GLTPD2: variants seen among roughly 807,000 people sequenced by gnomAD.
GLTPD2 encodes glycolipid transfer protein domain-containing protein 2.
Under a neutral mutation model 12.9 loss-of-function variants are expected in GLTPD2, and 12 were observed. The ratio of observed to expected loss-of-function variants is 0.93; its 90% confidence interval spans 0.59 to 1.50. GLTPD2 has a LOEUF of 1.50. Ranked by LOEUF, GLTPD2 falls within the 40% of genes most tolerant of loss-of-function variation. GLTPD2 has a pLI of 0.00. For synonymous variants in GLTPD2, 199 were observed against 205.6 expected (o/e 0.97, Z 0.27); for missense variants, 450 against 426.2 (o/e 1.06, Z -0.49).
In GLTPD2 at chr17:4,789,769, C is replaced by T; in HGVS notation, c.349C>T (p.Pro117Ser). The change falls in exon 4 of 4, where the codon CCC becomes TCC. Residue 117 changes from proline (P) to serine (S), a missense_variant. Coordinates refer to ENST00000331264, the MANE Select transcript of GLTPD2 (RefSeq NM_001014985.3). ...GWRALVEFLT[P>S]LGSVFAFATR... ...TCGTCTCGCCCGCAGGTTCCTGACT[C>T]CCCTCGGCTCCGTCTTCGCCTTCGC... 6.2e-7 allele frequency: 1 copy of T among 1,613,390 alleles called. No homozygotes were observed. Among genetic ancestry groups the T allele is most frequent in the Non-Finnish European group, 8.5e-7 (1 of 1,179,704 alleles).
chr17:4,790,464 T>C lies in GLTPD2; in HGVS notation c.*168T>C. 2.1e-6 allele frequency: 1 copy of C among 472,790 alleles called. No individual in the cohort carries two copies. The highest frequency in any genetic ancestry group is 3.5e-6 in the Non-Finnish European group (1 of 284,424). 29.3% of individuals were successfully genotyped at this position (472,790 alleles called of 1,614,324 possible). A position where few individuals can be genotyped will look rare whatever the true frequency, so the allele number is the denominator to read the frequency against. ...CGGCAGGGAATGGCGTTGAGCTCCC[T>C]CTGTCCGCAGTCTCGGAAAGACGGG... On this transcript the variant is annotated 3_prime_UTR_variant, in exon 4 of 4. Coordinates refer to ENST00000331264, the MANE Select transcript of GLTPD2 (RefSeq NM_001014985.3).
rs747867281 is a variant in GLTPD2 at position 4,789,290 on chromosome 17, G to A, written c.171G>A (p.Gln57=). The A allele has an allele frequency of 3.2e-5, 50 of 1,585,246 alleles. No individual in the cohort carries two copies. The highest frequency in any genetic ancestry group is 4.1e-5 in the Non-Finnish European group (48 of 1,165,744). Residue 57 remains glutamine (Q), a splice_region_variant and synonymous_variant, in exon 2 of 4, where the codon CAG becomes CAA. Transcript: ENST00000331264. ...TTCCAGGGGAAACGGCGCCCTTCCA[G>A]GTACGCTAGGCGCAGGATTGGGCGC... ...PCVPGETAPF[Q]VRQESGTLEA... is the part of the protein sequence containing the mutation.
At position 4,789,038 on chromosome 17, in the gene GLTPD2, CCT is replaced by C. The variant is rs761179740; in HGVS notation, c.28_29del (p.Leu10AlafsTer117). The C allele has an allele frequency of 6.2e-7, 1 of 1,613,386 alleles. No individual in the cohort carries two copies. Among genetic ancestry groups the C allele is most frequent in the Non-Finnish European group, 8.5e-7 (1 of 1,179,822 alleles). MGVAARPPA[L>X]RHWFSHSIPL... Reference sequence around the variant, plus strand: ...TGGGAGTGGCGGCGCGGCCCCCAGCCCTGCGGCACTGGTTCAGCCACTCAATT... The same window carrying C: ...TGGGAGTGGCGGCGCGGCCCCCAGCCGCGGCACTGGTTCAGCCACTCAATT... On this transcript the variant is annotated frameshift_variant, in exon 1 of 4. Coordinates refer to ENST00000331264, the MANE Select transcript of GLTPD2 (RefSeq NM_001014985.3). LOFTEE classifies it high-confidence loss of function.
Position 4,789,563 on chromosome 17 carries a change from G to A in GLTPD2, c.224G>A (p.Cys75Tyr). 1 of 1,614,116 alleles carries A rather than the reference G, an allele frequency of 6.2e-7. No homozygotes were observed. Among genetic ancestry groups the A allele is most frequent in the Non-Finnish European group, 8.5e-7 (1 of 1,179,974 alleles). The change falls in exon 3 of 4, where the codon TGT (cysteine) becomes TAT (tyrosine). Residue 75 changes from cysteine to tyrosine, a missense_variant. Coordinates refer to ENST00000331264, the MANE Select transcript of GLTPD2 (RefSeq NM_001014985.3). ...LEAPERKQPP[C>Y]LGPRGMLGRM... Reference sequence around the variant, plus strand: ...GCCCCGGAGAGGAAACAGCCTCCGTGTCTGGGCCCTCGGGGGATGCTGGGC... The same window carrying A: ...GCCCCGGAGAGGAAACAGCCTCCGTATCTGGGCCCTCGGGGGATGCTGGGC...
At position 4,789,642 on chromosome 17, in the gene GLTPD2, G is replaced by A. The variant is rs768899141; in HGVS notation, c.303G>A (p.Leu101=). 5.6e-6 allele frequency: 9 copies of A among 1,613,750 alleles called. No homozygotes were observed. The highest frequency in any genetic ancestry group is 7.6e-6 in the Non-Finnish European group (9 of 1,179,986). Residue 101 remains leucine (L), a synonymous_variant, in exon 3 of 4, where the codon CTG becomes CTA. Coordinates refer to ENST00000331264, the MANE Select transcript of GLTPD2 (RefSeq NM_001014985.3). ...ASLKPEGDVG[L]SPYLAGWRAL... The stretch of plus-strand genomic sequence containing the variant: ...TGAAACCCGAAGGGGATGTGGGGCT[G>A]TCGCCGTACCTGGCGGGATGGAGGG...
Position 4,790,195 on chromosome 17 carries a change from G to A in GLTPD2, c.775G>A (p.Glu259Lys), listed in dbSNP as rs757793764. 14 of 1,479,710 alleles carry A rather than the reference G, an allele frequency of 9.5e-6. No individual in the cohort carries two copies. The South Asian group carries it at 1.8e-4, about 19-fold the overall frequency. The allele number at this position is 1,479,710 out of a possible 1,614,324, so 91.7% of individuals were successfully genotyped here. Residue 259 changes from glutamate to lysine, a missense_variant, in exon 4 of 4, where the codon GAG becomes AAG. Coordinates refer to ENST00000331264, the MANE Select transcript of GLTPD2 (RefSeq NM_001014985.3). ...GGCGTGTCCCGGAGCCACCGAGGCG[G>A]AGGCGCGGGCCGCGCTGGTCCGGGC... ...ELACPGATEAEARAALVRAAG... is the reference protein window; with the variant it reads ...ELACPGATEAKARAALVRAAG...
At chr17:4,789,138 C>CT (rs1359701667) in intron 1 of GLTPD2, 21 bp downstream of exon 1, 7 of 1,612,136 alleles carry the variant, frequency 4.3e-6, no homozygotes, top group Non-Finnish European at 5.9e-6. Context: ...CCTTCCCTCA[C>CT]TTGCTCCGGG....
chr17:4,789,367 C>T (rs977908797), intron 2 of GLTPD2, 77 bp downstream of exon 2: 7 of 1,517,444 alleles, frequency 4.6e-6, no homozygotes, highest in East Asian at 2.3e-5. Context: ...GGCTGAGGGT[C>T]CGGCAAAGGG....
intron 2 of GLTPD2, 22 bp from the exon 3 acceptor site, chr17:4,789,489 T>C (rs752220751): frequency 6.2e-7 from 1 of 1,611,634 alleles, no homozygotes; most frequent in South Asian, 1.1e-5. Context: ...TCCCACCTCT[T>C]CCCATCGTGT....
chr17:4,790,131 C>A lies in GLTPD2; in HGVS notation c.711C>A (p.Ala237=). 1 of 1,457,226 alleles carries A rather than the reference C, an allele frequency of 6.9e-7. No individual in the cohort carries two copies. Among genetic ancestry groups the A allele is most frequent in the East Asian group, 2.9e-5 (1 of 34,166 alleles). The allele number at this position is 1,457,226 out of a possible 1,614,324, so 90.3% of individuals were successfully genotyped here. Residue 237 remains alanine (A), a synonymous_variant, in exon 4 of 4, where the codon GCC becomes GCA. Transcript: ENST00000331264. The part of the protein sequence containing the change: ...PWLVRQTARL[A]FLAFPGRRRL... ...TGGTCCGACAGACCGCCCGCCTCGC[C>A]TTCCTCGCCTTCCCGGGTCGCCGCC...
chr17:4,789,464 C>G (rs1478419758), intron 2 of GLTPD2, 47 bp from the exon 3 acceptor site: 1 of 1,590,638 alleles, frequency 6.3e-7, no homozygotes, highest in South Asian at 1.1e-5. Context: ...ACAATTTCTT[C>G]AGGGCAGAAT....
chr17:4,789,941 C>A lies in GLTPD2; in HGVS notation c.521C>A (p.Pro174Gln), dbSNP rs1361249296. 3.9e-6 allele frequency: 6 copies of A among 1,539,670 alleles called. No homozygotes were observed. Among genetic ancestry groups the A allele is most frequent in the Admixed American group, 2.0e-5 (1 of 50,336 alleles). The change falls in exon 4 of 4, where the codon CCG becomes CAG. Residue 174 changes from proline (P) to glutamine (Q), a missense_variant. Pro to Gln is a moderately conservative substitution (Grantham distance 76). Coordinates refer to ENST00000331264, the MANE Select transcript of GLTPD2 (RefSeq NM_001014985.3). ...CAGCCGGGGGCGGCCCCCCGGGACC[C>A]GACCCGGAGCTCGGGCTCTCGCACG... Reference protein sequence around the residue: ...LEQPGAAPRDPTRSSGSRTLL... With the variant: ...LEQPGAAPRDQTRSSGSRTLL...
chr17:4,788,997 G>A lies in GLTPD2; in HGVS notation c.-15G>A. On this transcript the variant is annotated 5_prime_UTR_variant, in exon 1 of 4. Coordinates refer to ENST00000331264, the MANE Select transcript of GLTPD2 (RefSeq NM_001014985.3). ...GCTAGGCGCTGGTGAGGGGGCGGCG[G>A]TCCCAGCAGCAGGCATGGGAGTGGC... is the stretch of plus-strand genomic sequence containing the variant. The A allele has an allele frequency of 6.2e-7, 1 of 1,605,602 alleles. No individual in the cohort carries two copies. Among genetic ancestry groups the A allele is most frequent in the Non-Finnish European group, 8.5e-7 (1 of 1,177,062 alleles).
chr17:4,789,466 G>C, intron 2 of GLTPD2, 45 bp from the exon 3 acceptor site: 1 of 1,597,092 alleles, frequency 6.3e-7, no homozygotes, highest in Non-Finnish European at 8.6e-7. Context: ...AATTTCTTCA[G>C]GGCAGAATCT....
chr17:4,790,146 G>C lies in GLTPD2; in HGVS notation c.726G>C (p.Pro242=), dbSNP rs1399778992. ...QTARLAFLAF[P]GRRRLLELAC... is the part of the protein sequence containing the mutation. ...CCCGCCTCGCCTTCCTCGCCTTCCC[G>C]GGTCGCCGCCGCCTGCTGGAGCTGG... The change falls in exon 4 of 4, where the codon CCG becomes CCC. Residue 242 remains proline (P), a synonymous_variant. Transcript: ENST00000331264. The C allele has an allele frequency of 2.7e-6, 4 of 1,465,658 alleles. No homozygotes were observed. The highest frequency in any genetic ancestry group is 2.9e-5 in the East Asian group (1 of 34,188). 90.8% of individuals were successfully genotyped at this position (1,465,658 alleles called of 1,614,324 possible).
At position 4,789,088 on chromosome 17, in the gene GLTPD2, T is replaced by C. The variant is rs1372008793; in HGVS notation, c.77T>C (p.Leu26Pro). 1 of 1,614,060 alleles carries C rather than the reference T, an allele frequency of 6.2e-7. No homozygotes were observed. Among genetic ancestry groups the C allele is most frequent in the Non-Finnish European group, 8.5e-7 (1 of 1,179,934 alleles). Reference protein sequence around the residue: ...HSIPLAIFALLLLYLSVRSLG... With the variant: ...HSIPLAIFALPLLYLSVRSLG... ...ATTCCTCTCGCTATCTTCGCGCTGC[T>C]GCTGCTTTATCTCAGTGTTCGGAGC... The change falls in exon 1 of 4, where the codon CTG (leucine) becomes CCG (proline). Residue 26 changes from leucine to proline, a missense_variant. Physicochemically the swap from Leu to Pro is moderately conservative, Grantham distance 98. Transcript: ENST00000331264.
rs1179205895 is a variant in GLTPD2 at position 4,790,334 on chromosome 17, C to A, written c.*38C>A. 5.7e-6 allele frequency: 8 copies of A among 1,407,842 alleles called. No individual in the cohort carries two copies. The highest frequency in any genetic ancestry group is 7.4e-6 in the Non-Finnish European group (8 of 1,088,416). 87.2% of individuals were successfully genotyped at this position (1,407,842 alleles called of 1,614,324 possible). On this transcript the variant is annotated 3_prime_UTR_variant, in exon 4 of 4. Coordinates refer to ENST00000331264, the MANE Select transcript of GLTPD2 (RefSeq NM_001014985.3). ...GGGGACCGGCGGGAACGGAGCGGACCGCCCGGGGTGGGGCCGCGCAGCCCG... is the reference window on the plus strand; with the variant it reads ...GGGGACCGGCGGGAACGGAGCGGACAGCCCGGGGTGGGGCCGCGCAGCCCG...
In GLTPD2 at chr17:4,790,013, A is replaced by C. The variant is rs1017230198; in HGVS notation, c.593A>C (p.His198Pro). The C allele has an allele frequency of 2.7e-6, 4 of 1,461,122 alleles. No individual in the cohort carries two copies. In the African/African-American group the frequency reaches 6.0e-5, roughly 22 times the overall value. The allele number at this position is 1,461,122 out of a possible 1,614,324, so 90.5% of individuals were successfully genotyped here. The change falls in exon 4 of 4, where the codon CAC becomes CCC. Residue 198 changes from histidine to proline, a missense_variant. Coordinates refer to ENST00000331264, the MANE Select transcript of GLTPD2 (RefSeq NM_001014985.3). The part of the protein sequence containing the change: ...RALRWSQLCL[H>P]RVATGALGGP... Reference sequence around the variant, plus strand: ...CTGCGCTGGTCCCAGCTCTGCCTCCACCGGGTGGCGACCGGCGCGCTGGGA... The same window carrying C: ...CTGCGCTGGTCCCAGCTCTGCCTCCCCCGGGTGGCGACCGGCGCGCTGGGA...
chr17:4,790,319 GGGAACGGAGC>G lies in GLTPD2; in HGVS notation c.*27_*36del. 1 of 1,443,570 alleles carries G rather than the reference GGGAACGGAGC, an allele frequency of 6.9e-7. No individual in the cohort carries two copies. The highest frequency in any genetic ancestry group is 1.5e-5 in the African/African-American group (1 of 67,424). The allele number at this position is 1,443,570 out of a possible 1,614,324, so 89.4% of individuals were successfully genotyped here. A position where few individuals can be genotyped will look rare whatever the true frequency, so the allele number is the denominator to read the frequency against. ...TAAGACGGCGGCTGCGGGGACCGGC[GGGAACGGAGC>G]GGACCGCCCGGGGTGGGGCCGCGCA... On this transcript the variant is annotated 3_prime_UTR_variant, in exon 4 of 4. Transcript: ENST00000331264.
Sources: allele counts gnomAD v4.1 joint callset, GRCh38; gene constraint gnomAD v4.1.1; transcripts MANE v1.5; gene names NCBI Gene and HGNC (gene_info 2026-07-23, HGNC 2026-07-21).